Variants in ATP8B1 observed in about 807,000 individuals in gnomAD.
The protein encoded by ATP8B1 is ATPase phospholipid transporting 8B1.
Under a neutral mutation model 149.9 loss-of-function variants are expected in ATP8B1, and 80 were observed. That is an observed-to-expected ratio of 0.53 (90% confidence interval 0.45 to 0.64). ATP8B1 has a LOEUF of 0.64. Ranked by LOEUF, ATP8B1 falls within the 30% of genes least tolerant of loss-of-function variation. ATP8B1 has a pLI of 0.00. For synonymous variants in ATP8B1, 536 were observed against 562.8 expected (o/e 0.95, Z 0.67); for missense variants, 1,247 against 1,552.6 (o/e 0.80, Z 3.31).
chr18:57,693,419 G>C (rs184285724), intron 11 of ATP8B1, among the ~76,000 whole-genome samples: 1 of 152,088 alleles, frequency 6.6e-6, no homozygotes, highest in Non-Finnish European at 1.5e-5. Context: ...GATAAGAATA[G>C]CTCATGGGCC....
At chr18:57,700,875 C>T (rs1445526530) in intron 6 of ATP8B1, among the ~76,000 whole-genome samples, 164 bp downstream of exon 6, 1 of 152,172 alleles carries the variant, frequency 6.6e-6, no homozygotes, top group East Asian at 1.9e-4. Flanking sequence ...CGAGATAACG[C>T]TACTGCACTC....
In ATP8B1 at chr18:57,672,980, C is replaced by CATATATAAATATAA. The variant is rs1568189525; in HGVS notation, c.1820-1401_1820-1400insTTATATTTATATAT. Among the ~76,000 whole-genome samples the CATATATAAATATAA allele has an allele frequency of 7.1e-5, 3 of 42,404 alleles. No homozygotes were observed. The Admixed American group carries it at 1.2e-3, about 16-fold the overall frequency. The allele number at this position is 42,404 out of a possible 152,430, so 27.8% of individuals were successfully genotyped here. ...ATACATATATCTACATATATACACA[C>CATATATAAATATAA]ATATATAAATACATGTATATATAAA... On this transcript the variant is annotated intron_variant, in intron 16 of 27. Transcript: ENST00000648908.
chr18:57,723,826 A>T (rs1464927948), intron 2 of ATP8B1, among the ~76,000 whole-genome samples: 2 of 149,876 alleles, frequency 1.3e-5, no homozygotes, highest in Non-Finnish European at 3.0e-5. Flanking sequence ...AGCTGGAGGC[A>T]TCACACTACC....
intron 1 of ATP8B1, among the ~76,000 whole-genome samples, chr18:57,758,249 A>T (rs1187714167): frequency 6.6e-6 from 1 of 152,198 alleles, no homozygotes; most frequent in African/African-American, 2.4e-5. Flanking sequence ...TTAGACAAGT[A>T]ACCCTCCTCA....
chr18:57,756,305 A>ATATATATATATATG lies in ATP8B1; in HGVS notation c.-25-24474_-25-24473insCATATATATATATA, dbSNP rs374550138. On this transcript the variant is annotated intron_variant, in intron 1 of 27. Coordinates refer to ENST00000648908, the MANE Select transcript of ATP8B1 (RefSeq NM_001374385.1). ...CATATATATGTGTGTGTGTATGTAT[A>ATATATATATATATG]TATATATATATTTGAGACTGAGTTT... is the stretch of plus-strand genomic sequence containing the variant. Among the ~76,000 whole-genome samples the ATATATATATATATG allele has an allele frequency of 9.6e-3, 1,014 of 106,080 alleles. 99 individuals are homozygous for ATATATATATATATG. Among genetic ancestry groups the ATATATATATATATG allele is most frequent in the Non-Finnish European group, 0.013 (664 of 53,070 alleles). The allele number at this position is 106,080 out of a possible 152,430, so 69.6% of individuals were successfully genotyped here. A position where few individuals can be genotyped will look rare whatever the true frequency, so the allele number is the denominator to read the frequency against.
Position 57,698,034 on chromosome 18 carries a change from T to C in ATP8B1, c.555-167A>G, listed in dbSNP as rs319437. On this transcript the variant is annotated intron_variant, in intron 6 of 27. Coordinates refer to ENST00000648908, the MANE Select transcript of ATP8B1 (RefSeq NM_001374385.1). ...ACATATTAAAGGGGGGCATGAAAAT[T>C]GTATTGACCTCTGAAGGAAGCAATG... is the stretch of plus-strand genomic sequence containing the variant. Among the ~76,000 whole-genome samples, 151,220 of 152,350 alleles carry C rather than the reference T, an allele frequency of 0.99. 75,067 individuals carry two copies. Among genetic ancestry groups the C allele is most frequent in the Middle Eastern group, 1 (294 of 294 alleles).
At chr18:57,758,478 T>TAAA (rs558042405) in intron 1 of ATP8B1, among the ~76,000 whole-genome samples, 2 of 144,930 alleles carry the variant, frequency 1.4e-5, no homozygotes, top group Non-Finnish European at 1.5e-5. Context: ...CCGTCTCTAC[T>TAAA]AAAAAAAAAA....
intron 1 of ATP8B1, among the ~76,000 whole-genome samples, chr18:57,765,626 G>A (rs535327555): frequency 5.3e-4 from 80 of 150,526 alleles, no homozygotes; most frequent in African/African-American, 1.9e-3. Context: ...CCAAGATCGC[G>A]CCACTGCACT....
chr18:57,777,836 C>T (rs1031189343), intron 1 of ATP8B1, among the ~76,000 whole-genome samples: 1 of 152,238 alleles, frequency 6.6e-6, no homozygotes, highest in Non-Finnish European at 1.5e-5. Flanking sequence ...TCCCAAAGTT[C>T]TGGGATTACA....
chr18:57,801,088 A>G (rs1336945556), intron 1 of ATP8B1, among the ~76,000 whole-genome samples: 1 of 152,252 alleles, frequency 6.6e-6, no homozygotes, highest in Non-Finnish European at 1.5e-5. Context: ...TTCTATCACT[A>G]GGATGTAATA....
chr18:57,705,616 A>G (rs925995326), intron 3 of ATP8B1, among the ~76,000 whole-genome samples: 5 of 152,164 alleles, frequency 3.3e-5, no homozygotes, highest in Admixed American at 2.6e-4. Flanking sequence ...TTCATCTGTA[A>G]GCCAAGGAAC....
In ATP8B1 at chr18:57,695,513, T is replaced by A; in HGVS notation, c.718A>T (p.Lys240Ter). The change falls in exon 9 of 28, where the codon AAG (lysine) becomes TAG (stop). Residue 240 changes from lysine (K) to a stop codon, truncating the protein, a stop_gained. Transcript: ENST00000648908. LOFTEE classifies it high-confidence loss of function. ...ELDGETNLKFKMSLEITDQYL... is the reference protein window; with the variant it reads ...ELDGETNLKF ...TGGTCTGTGATTTCAAGTGACATCT[T>A]AAATTTTAAATTGGTTTCTCTAAAG... 6.2e-7 allele frequency: 1 copy of A among 1,611,498 alleles called. No individual in the cohort carries two copies.
Position 57,672,924 on chromosome 18 carries a change from ATATATAT to A in ATP8B1, c.1820-1351_1820-1345del, listed in dbSNP as rs1568189368. 8.4e-3 allele frequency among the ~76,000 whole-genome samples: 408 copies of A among 48,398 alleles called. 24 individuals carry two copies. Among genetic ancestry groups the A allele is most frequent in the East Asian group, 0.035 (18 of 520 alleles). The allele number at this position is 48,398 out of a possible 152,430, so 31.8% of individuals were successfully genotyped here. ...TATATATATATATATATATATATAT[ATATATAT>A]AACATGTATATACACATATATACAT... On this transcript the variant is annotated intron_variant, in intron 16 of 27. Transcript: ENST00000648908.
intron 2 of ATP8B1, chr18:57,731,383 T>C (rs1345859968): frequency 1.4e-5 from 5 of 365,688 alleles, no homozygotes; most frequent in Admixed American, 4.1e-5. Context: ...ATACACACAC[T>C]AACAAAGACC....
At chr18:57,663,975 C>T (rs1007881452) in intron 20 of ATP8B1, among the ~76,000 whole-genome samples, 26 of 151,296 alleles carry the variant, frequency 1.7e-4, no homozygotes, top group African/African-American at 6.3e-4. Context: ...CCATGTTGGC[C>T]AGGATGGTCT....
At chr18:57,694,135 A>G (rs892106390) in intron 11 of ATP8B1, among the ~76,000 whole-genome samples, 3 of 152,142 alleles carry the variant, frequency 2.0e-5, no homozygotes, top group Non-Finnish European at 4.4e-5. Flanking sequence ...TGTCCTCGAC[A>G]TACTTTATTT....
chr18:57,719,730 G>T (rs572360002), intron 2 of ATP8B1, among the ~76,000 whole-genome samples: 8 of 152,330 alleles, frequency 5.3e-5, no homozygotes, highest in African/African-American at 1.4e-4. Flanking sequence ...CAAAGCAGCC[G>T]GGAAGCTCGA....
intron 26 of ATP8B1, among the ~76,000 whole-genome samples, chr18:57,651,220 C>T (rs552149381): frequency 3.3e-5 from 5 of 152,286 alleles, no homozygotes; most frequent in Admixed American, 3.3e-4. Flanking sequence ...GTCCTCCTAC[C>T]TTAGCCTCCT....
At chr18:57,680,747 A>C (rs1240094487) in intron 15 of ATP8B1, among the ~76,000 whole-genome samples, 2 of 151,980 alleles carry the variant, frequency 1.3e-5, no homozygotes, top group Admixed American at 1.3e-4. Flanking sequence ...TCCTTCCCAA[A>C]GACCCCATAC....
Sources: allele counts gnomAD v4.1 joint callset (sites outside exome capture counted in the v4.1 genomes callset), GRCh38; gene constraint gnomAD v4.1.1; transcripts MANE v1.5; gene names NCBI Gene and HGNC (gene_info 2026-07-23, HGNC 2026-07-21).